The following NEK10 variants were observed in gnomAD, a reference collection of about 807,000 sequenced individuals.
NEK10 encodes NIMA related kinase 10.
NEK10 carries 122 observed loss-of-function variants against 159.8 expected under a neutral mutation model. The observed-to-expected ratio is 0.76, with a 90% confidence interval of 0.66 to 0.89. The LOEUF is 0.89. Among genes scored for constraint, NEK10 ranks in the 40% least tolerant of loss-of-function variants. The probability of loss-of-function intolerance (pLI) is 0.00; values close to 1 mark genes in which losing one functional copy is unlikely to be tolerated. For missense variants in NEK10, 1,342 were observed against 1,323.1 expected, an observed-to-expected ratio of 1.01 and a Z score of -0.22; for synonymous variants, 466 against 457.1, an observed-to-expected ratio of 1.02 and a Z score of -0.25.
intron 23 of NEK10, among the ~76,000 whole-genome samples, chr3:27,211,719 G>A (rs1951025132): frequency 6.6e-6 from 1 of 152,168 alleles, no homozygotes; most frequent in Admixed American, 6.5e-5. Context: ...TGTGCCAGGA[G>A]CACGTAGTAG....
intron 33 of NEK10, 113 bp from the exon 34 acceptor site, chr3:27,116,240 T>A (rs1940407604): frequency 4.3e-6 from 4 of 920,088 alleles, no homozygotes; most frequent in Non-Finnish European, 6.8e-6. Context: ...TTCTTAATGA[T>A]AAAGATGGAA....
chr3:27,271,828 A>C (rs2041383685), intron 22 of NEK10, among the ~76,000 whole-genome samples: 1 of 151,714 alleles, frequency 6.6e-6, no homozygotes, highest in African/African-American at 2.4e-5. Context: ...TGACAATAGA[A>C]AACATTTTGC....
At position 27,293,645 on chromosome 3, in the gene NEK10, G is replaced by T; in HGVS notation, c.1316C>A (p.Ala439Asp). 2 of 1,556,906 alleles carry T rather than the reference G, an allele frequency of 1.3e-6. No homozygotes were observed. The highest frequency in any genetic ancestry group is 1.8e-6 in the Non-Finnish European group (2 of 1,133,540). Residue 439 changes from alanine to aspartate, a missense_variant, in exon 16 of 36, where the codon GCT (alanine) becomes GAT (aspartate). Physicochemically the swap from Ala to Asp is moderately radical, Grantham distance 126 (BLOSUM62 -2). Transcript: ENST00000691995. Reference protein sequence around the residue: ...AAKSNLLQCYAFRALRFLFSM... With the variant: ...AAKSNLLQCYDFRALRFLFSM... ...GAAGAGAAATCTCAAGGCTCTGAAA[G>T]CATAACACTAGAAAACAAAAGGATA...
intron 5 of NEK10, among the ~76,000 whole-genome samples, chr3:27,329,261 T>TCCATTAAA (rs1320512647): frequency 2.6e-5 from 4 of 152,216 alleles, no homozygotes; most frequent in Non-Finnish European, 5.9e-5. Context: ...GAAATGTAAG[T>TCCATTAAA]CCATTAAACT....
chr3:27,216,992 G>GA (rs1198291276), intron 23 of NEK10, among the ~76,000 whole-genome samples: 1 of 151,990 alleles, frequency 6.6e-6, no homozygotes, highest in African/African-American at 2.4e-5. Flanking sequence ...TGAATAAAGA[G>GA]AAAAAACCAA....
At chr3:27,166,381 T>TTTTG (rs745390447) in intron 29 of NEK10, among the ~76,000 whole-genome samples, 3,459 of 152,164 alleles carry the variant, frequency 0.023, 48 homozygotes, top group Middle Eastern at 0.1. Context: ...CTATGTGTTT[T>TTTTG]TTTGTTTGTT....
At chr3:27,303,649 G>T (rs998799084) in intron 12 of NEK10, among the ~76,000 whole-genome samples, 1 of 152,100 alleles carries the variant, frequency 6.6e-6, no homozygotes, top group Non-Finnish European at 1.5e-5. Flanking sequence ...CTTTGTTTAG[G>T]TAATGACAAA....
chr3:27,349,877 C>G (rs1038193350), intron 3 of NEK10, among the ~76,000 whole-genome samples: 2 of 152,148 alleles, frequency 1.3e-5, no homozygotes, highest in African/African-American at 2.4e-5. Context: ...CTCTGTGTGT[C>G]TCTGTCTCCA....
intron 26 of NEK10, among the ~76,000 whole-genome samples, chr3:27,186,244 C>G (rs188550522): frequency 1.3e-5 from 2 of 152,166 alleles, no homozygotes; most frequent in African/African-American, 4.8e-5. Context: ...ATTTTGCCTT[C>G]GCAGAAAATT....
intron 25 of NEK10, chr3:27,194,808 A>C (rs1236375321): frequency 6.6e-6 from 1 of 152,212 alleles, no homozygotes; most frequent in Non-Finnish European, 1.5e-5. Flanking sequence ...TTTATGCATA[A>C]AAGGAAATGT....
chr3:27,280,055 T>C (rs1332254325), intron 22 of NEK10, among the ~76,000 whole-genome samples: 3 of 134,788 alleles, frequency 2.2e-5, no homozygotes, highest in Non-Finnish European at 4.6e-5. Context: ...GAATTGACCA[T>C]ATGTTTTTAT....
chr3:27,289,262 G>A (rs968664175), intron 19 of NEK10, among the ~76,000 whole-genome samples: 4 of 152,184 alleles, frequency 2.6e-5, no homozygotes, highest in African/African-American at 4.8e-5. Flanking sequence ...ACTGTACTGT[G>A]AGTCCTCTTT....
chr3:27,120,703 T>A (rs1941182246), intron 32 of NEK10, among the ~76,000 whole-genome samples: 1 of 152,148 alleles, frequency 6.6e-6, no homozygotes. Context: ...TTCCCAGCAC[T>A]CTGATGGAAA....
intron 23 of NEK10, among the ~76,000 whole-genome samples, chr3:27,204,046 T>C (rs1950273081): frequency 6.6e-6 from 1 of 151,816 alleles, no homozygotes; most frequent in African/African-American, 2.4e-5. Context: ...ACACAGAAAA[T>C]GTCTTTGGCT....
At chr3:27,244,202 A>G (rs547358170) in intron 23 of NEK10, among the ~76,000 whole-genome samples, 1 of 152,322 alleles carries the variant, frequency 6.6e-6, no homozygotes, top group African/African-American at 2.4e-5. Context: ...ATTGAACTGA[A>G]AGATTTAATT....
In NEK10 at chr3:27,141,521, C is replaced by G. The variant is rs1943785659; in HGVS notation, c.2931G>C (p.Gln977His). ...KVRQISDPIQ[Q>H]ILIQLHKIIY... is the part of the protein sequence containing the mutation. ...TTATTTTGTGCAGCTGAATTAATAT[C>G]TGCTGAATAGGATCACTGATCTGAC... The change falls in exon 31 of 36, where the codon CAG becomes CAC. Residue 977 changes from glutamine to histidine, a missense_variant. Gln to His is a conservative substitution (Grantham distance 24). Coordinates refer to ENST00000691995, the MANE Select transcript of NEK10 (RefSeq NM_001394966.1). 1 of 1,613,182 alleles carries G rather than the reference C, an allele frequency of 6.2e-7. No individual in the cohort carries two copies. Among genetic ancestry groups the G allele is most frequent in the African/African-American group, 1.3e-5 (1 of 74,910 alleles).
chr3:27,320,821 C>T (rs1480858387), intron 6 of NEK10, among the ~76,000 whole-genome samples: 1 of 152,158 alleles, frequency 6.6e-6, no homozygotes, highest in East Asian at 1.9e-4. Context: ...GCCCATGAAT[C>T]CCAGAAGAGT....
chr3:27,162,128 G>T, intron 30 of NEK10: 1 of 252,602 alleles, frequency 4.0e-6, no homozygotes, highest in Non-Finnish European at 7.6e-6. Context: ...TAGGTGTAGA[G>T]TTTACAGAAA....
chr3:27,226,987 A>G (rs974534140), intron 23 of NEK10, among the ~76,000 whole-genome samples: 10 of 152,154 alleles, frequency 6.6e-5, no homozygotes, highest in African/African-American at 2.4e-4. Context: ...CATTGCCAAC[A>G]AGTCCAAATC....
Sources: allele counts gnomAD v4.1 joint callset (sites outside exome capture counted in the v4.1 genomes callset), GRCh38; gene constraint gnomAD v4.1.1; transcripts MANE v1.5; gene names NCBI Gene and HGNC (gene_info 2026-07-23, HGNC 2026-07-21).